Variants in RBFOX1 observed in about 807,000 individuals in gnomAD.
RBFOX1 encodes RNA binding fox-1 homolog 1.
Under a neutral mutation model 57.7 loss-of-function variants are expected in RBFOX1, and 8 were observed. That is an observed-to-expected ratio of 0.14 (90% CI 0.08 to 0.25). The LOEUF (loss-of-function observed/expected upper bound fraction) is 0.25, where lower values mean the gene tolerates loss of function less well. RBFOX1 is among the 10% of genes least tolerant of loss of function. RBFOX1 has a pLI of 1.00. For synonymous variants in RBFOX1, 326 were observed against 222.4 expected, an observed-to-expected ratio of 1.47 and a Z score of -4.15; for missense variants, 611 against 548.5, an observed-to-expected ratio of 1.11 and a Z score of -1.14.
intron 2 of RBFOX1, among the ~76,000 whole-genome samples, chr16:6,552,578 C>T (rs2097012851): frequency 1.3e-5 from 2 of 152,102 alleles, no homozygotes; most frequent in Admixed American, 1.3e-4. Flanking sequence ...CAATGATAAA[C>T]AACAATACTT....
intron 4 of RBFOX1, among the ~76,000 whole-genome samples, chr16:5,976,111 C>G (rs914023236): frequency 7.9e-5 from 12 of 151,822 alleles, no homozygotes; most frequent in Non-Finnish European, 1.0e-4. Context: ...CTAGACTGCA[C>G]TCTAGACTGG....
intron 4 of RBFOX1, among the ~76,000 whole-genome samples, chr16:5,905,161 A>G (rs1597723487): frequency 7.0e-6 from 1 of 142,164 alleles, no homozygotes; most frequent in East Asian, 2.2e-4. Flanking sequence ...TCCACCTCCT[A>G]GATTCAAGTG....
At chr16:6,820,424 G>C (rs1373379469) in intron 3 of RBFOX1, among the ~76,000 whole-genome samples, 3 of 152,120 alleles carry the variant, frequency 2.0e-5, no homozygotes, top group African/African-American at 7.2e-5. Context: ...TGGGAGGCTG[G>C]GGAGGAAAAA....
chr16:7,707,982 T>C (rs1046012884), intron 14 of RBFOX1, among the ~76,000 whole-genome samples: 10 of 152,268 alleles, frequency 6.6e-5, no homozygotes, highest in South Asian at 6.2e-4. Flanking sequence ...CAGGAAAATA[T>C]CTGGCAGGGC....
chr16:6,731,518 T>G (rs1369886054), intron 3 of RBFOX1, among the ~76,000 whole-genome samples: 1 of 152,142 alleles, frequency 6.6e-6, no homozygotes, highest in African/African-American at 2.4e-5. Context: ...TTGAGAGTAT[T>G]TCTCAGGATT....
At chr16:7,039,731 G>C (rs1309042300) in intron 3 of RBFOX1, among the ~76,000 whole-genome samples, 1 of 152,116 alleles carries the variant, frequency 6.6e-6, no homozygotes, top group Non-Finnish European at 1.5e-5. Context: ...CAGTGGGTAT[G>C]ATTACAACCA....
intron 4 of RBFOX1, among the ~76,000 whole-genome samples, chr16:7,507,719 A>G (rs781053215): frequency 1.3e-5 from 2 of 151,058 alleles, no homozygotes; most frequent in Non-Finnish European, 2.9e-5. Context: ...GCCCACCACC[A>G]CGCCTGGCTA....
chr16:6,199,514 G>GGT (rs1397523798), intron 1 of RBFOX1, among the ~76,000 whole-genome samples: 1 of 152,186 alleles, frequency 6.6e-6, no homozygotes, highest in Non-Finnish European at 1.5e-5. Flanking sequence ...GTCTAATCCT[G>GGT]AGTGACTAAA....
chr16:6,120,977 T>A (rs1161509112), intron 1 of RBFOX1, among the ~76,000 whole-genome samples: 1 of 152,238 alleles, frequency 6.6e-6, no homozygotes, highest in Non-Finnish European at 1.5e-5. Context: ...TTCTATTATT[T>A]CCTAGAGTTT....
chr16:6,697,159 C>T lies in RBFOX1; in HGVS notation c.-16+42509C>T, dbSNP rs113315968. 2.5e-3 allele frequency among the ~76,000 whole-genome samples: 386 copies of T among 152,234 alleles called. 3 individuals are homozygous for T. The highest frequency in any genetic ancestry group is 8.9e-3 in the African/African-American group (369 of 41,528). On this transcript the variant is annotated intron_variant, in intron 3 of 15. Coordinates refer to ENST00000550418, the MANE Select transcript of RBFOX1 (RefSeq NM_018723.4). ...TCAGGGATTGACTAGAGAAATAGGG[C>T]CTCTACCTTGGTGGTGATGATGTTA...
intron 4 of RBFOX1, among the ~76,000 whole-genome samples, chr16:5,975,569 T>C (rs2060045669): frequency 6.6e-6 from 1 of 152,224 alleles, no homozygotes. Flanking sequence ...CACTGCTGTT[T>C]GTTTTTCCTG....
At chr16:7,174,520 C>G (rs538873515) in intron 4 of RBFOX1, among the ~76,000 whole-genome samples, 1 of 152,188 alleles carries the variant, frequency 6.6e-6, no homozygotes, top group Non-Finnish European at 1.5e-5. Flanking sequence ...GTGGCTCACA[C>G]CTGCAATCCC....
chr16:7,477,093 C>G (rs1450118904), intron 4 of RBFOX1, among the ~76,000 whole-genome samples: 3 of 152,166 alleles, frequency 2.0e-5, no homozygotes, highest in Non-Finnish European at 4.4e-5. Flanking sequence ...TCCCCCACAT[C>G]TCTGTCCTTT....
intron 4 of RBFOX1, among the ~76,000 whole-genome samples, chr16:7,173,450 C>G (rs2081087684): frequency 6.6e-6 from 1 of 152,172 alleles, no homozygotes; most frequent in Non-Finnish European, 1.5e-5. Flanking sequence ...AAGGGAGGCA[C>G]TGGTTTCGAA....
chr16:5,485,557 C>T, intron 2 of RBFOX1, among the ~76,000 whole-genome samples: 1 of 152,068 alleles, frequency 6.6e-6, no homozygotes, highest in East Asian at 1.9e-4. Flanking sequence ...CAATTAGGGA[C>T]TTAAATGGAT....
intron 3 of RBFOX1, among the ~76,000 whole-genome samples, chr16:6,975,440 A>T (rs1364343849): frequency 6.6e-6 from 1 of 151,904 alleles, no homozygotes; most frequent in Non-Finnish European, 1.5e-5. Flanking sequence ...TAATTTCTGT[A>T]TTTTTTAGTG....
intron 3 of RBFOX1, among the ~76,000 whole-genome samples, chr16:6,711,165 G>A (rs1392612586): frequency 6.6e-6 from 1 of 152,146 alleles, no homozygotes; most frequent in Non-Finnish European, 1.5e-5. Flanking sequence ...ATCCAGAATT[G>A]TATTGACTGC....
At chr16:6,967,497 A>G (rs1385183957) in intron 3 of RBFOX1, among the ~76,000 whole-genome samples, 1 of 152,126 alleles carries the variant, frequency 6.6e-6, no homozygotes, top group Non-Finnish European at 1.5e-5. Flanking sequence ...GATAGACGTT[A>G]TTTCAGAAGA....
At chr16:6,588,240 A>G (rs1289463423) in intron 2 of RBFOX1, among the ~76,000 whole-genome samples, 2 of 152,008 alleles carry the variant, frequency 1.3e-5, no homozygotes, top group African/African-American at 4.8e-5. Context: ...GGGAAAAAAA[A>G]AAAGAAAGGC....
Sources: allele counts gnomAD v4.1 joint callset (sites outside exome capture counted in the v4.1 genomes callset), GRCh38; gene constraint gnomAD v4.1.1; transcripts MANE v1.5; gene names NCBI Gene and HGNC (gene_info 2026-07-23, HGNC 2026-07-21).